DCX: variants seen among roughly 807,000 people sequenced by gnomAD.
DCX encodes neuronal migration protein doublecortin.
In DCX, 4 loss-of-function variants were observed where a neutral mutation model predicts 20.9. The observed-to-expected ratio is 0.19, with a 90% CI of 0.09 to 0.44. The LOEUF (loss-of-function observed/expected upper bound fraction) is 0.44. Ranked by LOEUF, DCX falls within the 20% of genes least tolerant of loss-of-function variation. The pLI, the probability that DCX is intolerant of heterozygous loss-of-function variation, is 0.99. For synonymous variants in DCX, 103 were observed against 111.4 expected (o/e 0.92, Z 0.47); for missense variants, 133 against 296.9 (o/e 0.45, Z 4.06).
At chrX:111,327,591 T>G (rs1022314650) in intron 5 of DCX, among the ~76,000 whole-genome samples, 2 of 112,434 alleles carry the variant, frequency 1.8e-5, no homozygotes, top group Admixed American at 9.5e-5. Context: ...ATTCAAATTC[T>G]GAATTATCTA....
At chrX:111,376,833 C>G (rs995542353) in intron 3 of DCX, among the ~76,000 whole-genome samples, 4 of 111,892 alleles carry the variant, frequency 3.6e-5, no homozygotes. Flanking sequence ...TGGTAACAAT[C>G]CCATACAAAA....
Position 111,294,318 on chromosome X carries a change from CTTTTTTT to C in DCX, c.*7362_*7368del, listed in dbSNP as rs911128575. On this transcript the variant is annotated 3_prime_UTR_variant, in exon 7 of 7. Coordinates refer to ENST00000636035, the MANE Select transcript of DCX (RefSeq NM_001195553.2). ...ATCTGTTTTATTTCTCTCATTTTTT[CTTTTTTT>C]TTCAAATAATTATTGGTCATCGGTC... 1 of 107,458 alleles carries C rather than the reference CTTTTTTT, an allele frequency of 9.3e-6. No individual in the cohort carries two copies. The highest frequency in any genetic ancestry group is 1.9e-5 in the Non-Finnish European group (1 of 51,913). The allele number at this position is 107,458 out of a possible 1,213,427, so 8.9% of individuals were successfully genotyped here.
intron 3 of DCX, among the ~76,000 whole-genome samples, chrX:111,366,991 C>T (rs995474842): frequency 9.0e-6 from 1 of 111,630 alleles, no homozygotes; most frequent in Non-Finnish European, 1.9e-5. Flanking sequence ...GACCCCAATT[C>T]AAAGAGAAGA....
At chrX:111,399,308 G>GGGCA (rs1472436743) in intron 3 of DCX, among the ~76,000 whole-genome samples, 1 of 111,205 alleles carries the variant, frequency 9.0e-6, no homozygotes, top group Non-Finnish European at 1.9e-5. Flanking sequence ...AGCATGCTCA[G>GGGCA]GGCAGGTGTG....
intron 5 of DCX, among the ~76,000 whole-genome samples, chrX:111,313,608 A>G (rs917327853): frequency 6.2e-5 from 7 of 112,160 alleles, no homozygotes; most frequent in Non-Finnish European, 1.3e-4. Flanking sequence ...GCTGAAAATC[A>G]GAGTTTCTTT....
chrX:111,309,216 A>C (rs775970716), intron 6 of DCX, among the ~76,000 whole-genome samples: 1 of 112,683 alleles, frequency 8.9e-6, no homozygotes, highest in Non-Finnish European at 1.9e-5. Flanking sequence ...GAAGAAGCCA[A>C]GAAGCTGATT....
chrX:111,344,926 T>C (rs1603417396), intron 3 of DCX, among the ~76,000 whole-genome samples: 1 of 112,108 alleles, frequency 8.9e-6, no homozygotes, highest in Admixed American at 9.4e-5. Context: ...GAAGACCCTG[T>C]ATAGCCAAGA....
intron 5 of DCX, among the ~76,000 whole-genome samples, chrX:111,313,210 GAC>G (rs1491224528): frequency 9.0e-6 from 1 of 110,808 alleles, no homozygotes; most frequent in Admixed American, 9.7e-5. Context: ...GTAGGTGAAA[GAC>G]AGCCCCATTG....
chrX:111,307,715 T>A (rs1456008859), intron 6 of DCX, among the ~76,000 whole-genome samples: 1 of 111,918 alleles, frequency 8.9e-6, no homozygotes, highest in African/African-American at 3.3e-5. Context: ...ACTCCCTGGG[T>A]ATTTTTCAGG....
chrX:111,405,942 C>T (rs1928178736), intron 2 of DCX, among the ~76,000 whole-genome samples: 1 of 111,800 alleles, frequency 8.9e-6, no homozygotes, highest in South Asian at 3.8e-4. Context: ...AAAGGAGTGT[C>T]ACAAGGCCAG....
intron 3 of DCX, among the ~76,000 whole-genome samples, chrX:111,379,954 T>C (rs1569495159): frequency 8.9e-6 from 1 of 111,997 alleles, no homozygotes. Flanking sequence ...TGGCTAATTA[T>C]GTTGAGCATC....
chrX:111,310,148 C>T (rs1394962170), intron 6 of DCX, among the ~76,000 whole-genome samples: 4 of 111,581 alleles, frequency 3.6e-5, no homozygotes, highest in Non-Finnish European at 7.5e-5. Flanking sequence ...CTGGCTAACA[C>T]GGTGAAACCT....
At chrX:111,350,740 G>A (rs1048881988) in intron 3 of DCX, among the ~76,000 whole-genome samples, 2 of 111,954 alleles carry the variant, frequency 1.8e-5, no homozygotes, top group African/African-American at 3.3e-5. Context: ...TCTCATTTTT[G>A]GGAAAGGGTT....
chrX:111,366,262 C>G (rs937422941), intron 3 of DCX, among the ~76,000 whole-genome samples: 36 of 111,763 alleles, frequency 3.2e-4, no homozygotes, highest in African/African-American at 1.0e-3. Flanking sequence ...AGACTGTAAT[C>G]TGACATCACC....
chrX:111,372,888 G>A (rs942200019), intron 3 of DCX, among the ~76,000 whole-genome samples: 3 of 111,360 alleles, frequency 2.7e-5, no homozygotes, highest in African/African-American at 9.8e-5. Flanking sequence ...TTGTGGCTCC[G>A]TTGGAATATC....
intron 3 of DCX, among the ~76,000 whole-genome samples, chrX:111,364,675 A>G (rs1375679838): frequency 8.9e-6 from 1 of 111,996 alleles, no homozygotes; most frequent in African/African-American, 3.2e-5. Context: ...TTTCATCAGT[A>G]GGAAAACAGA....
Position 111,396,335 on chromosome X carries a change from TAACA to T in DCX, c.705+4651_705+4654del, listed in dbSNP as rs760847306. On this transcript the variant is annotated intron_variant, in intron 3 of 6. Coordinates refer to ENST00000636035, the MANE Select transcript of DCX (RefSeq NM_001195553.2). Reference sequence around the variant, plus strand: ...AAATCCTTCCAATTGAAAATTGGCCTAACAAAGCTAGAACAAGCACTAAAGGCCA... The same window carrying T: ...AAATCCTTCCAATTGAAAATTGGCCTAAGCTAGAACAAGCACTAAAGGCCA... 1.5e-3 allele frequency among the ~76,000 whole-genome samples: 168 copies of T among 112,008 alleles called. 1 individual carries two copies. The highest frequency in any genetic ancestry group is 5.2e-3 in the African/African-American group (160 of 30,870).
At chrX:111,377,357 T>C (rs1446534641) in intron 3 of DCX, among the ~76,000 whole-genome samples, 2 of 111,807 alleles carry the variant, frequency 1.8e-5, no homozygotes, top group Non-Finnish European at 3.8e-5. Flanking sequence ...TTCTTTGTGC[T>C]GAGAAATTGT....
intron 3 of DCX, among the ~76,000 whole-genome samples, chrX:111,382,114 C>G (rs189588097): frequency 1.8e-5 from 2 of 111,943 alleles, no homozygotes; most frequent in African/African-American, 6.5e-5. Context: ...TTTTGTATTT[C>G]TAACAAGTTC....
Sources: allele counts gnomAD v4.1 joint callset (sites outside exome capture counted in the v4.1 genomes callset), GRCh38; gene constraint gnomAD v4.1.1; transcripts MANE v1.5; gene names NCBI Gene and HGNC (gene_info 2026-07-23, HGNC 2026-07-21).